PMF1: variants seen among roughly 807,000 people sequenced by gnomAD.
PMF1 encodes polyamine modulated factor 1.
PMF1 carries 21 observed loss-of-function variants against 26.7 expected under a neutral mutation model. The observed-to-expected ratio is 0.79, with a 90% confidence interval of 0.56 to 1.13. The LOEUF (loss-of-function observed/expected upper bound fraction) is 1.13. Ranked by LOEUF, PMF1 falls within the 50% of genes most tolerant of loss-of-function variation. PMF1 has a pLI of 0.00. For missense variants in PMF1, 266 were observed against 254.9 expected, an observed-to-expected ratio of 1.04 and a Z score of -0.30; for synonymous variants, 105 against 101.0, an observed-to-expected ratio of 1.04 and a Z score of -0.24.
intron 3 of PMF1, among the ~76,000 whole-genome samples, chr1:156,235,434 A>ACTTTTT (rs1558197111): frequency 8.6e-6 from 1 of 115,808 alleles, no homozygotes; most frequent in Non-Finnish European, 1.8e-5. Context: ...ATTGAAAAAT[A>ACTTTTT]ATTTTTTTTT....
intron 1 of PMF1, among the ~76,000 whole-genome samples, chr1:156,220,090 GGTA>G (rs775998813): frequency 6.6e-6 from 1 of 150,384 alleles, no homozygotes; most frequent in Admixed American, 6.6e-5. Context: ...CAGCCTCCCG[GGTA>G]GCTGGGACTA....
At chr1:156,222,109 C>G (rs769893588) in intron 1 of PMF1, among the ~76,000 whole-genome samples, 53 of 152,208 alleles carry the variant, frequency 3.5e-4, no homozygotes, top group African/African-American at 1.2e-3. Context: ...CTCCTTAGCA[C>G]AGTGTACAAG....
At chr1:156,218,767 G>A (rs918007023) in intron 1 of PMF1, among the ~76,000 whole-genome samples, 1 of 151,924 alleles carries the variant, frequency 6.6e-6, no homozygotes, top group African/African-American at 2.4e-5. Context: ...GGGTGACAGA[G>A]CGAGACTCCG....
intron 1 of PMF1, among the ~76,000 whole-genome samples, chr1:156,217,245 AG>A (rs1332098827): frequency 1.6e-4 from 11 of 69,458 alleles, no homozygotes; most frequent in African/African-American, 5.1e-4. Flanking sequence ...AAAAAAAAAA[AG>A]AAAAAAAAAA....
In PMF1 at chr1:156,233,065, G is replaced by T. The variant is rs138411661; in HGVS notation, c.268-563G>T. 7.1e-4 allele frequency among the ~76,000 whole-genome samples: 108 copies of T among 151,542 alleles called. No homozygotes were observed. The East Asian group carries it at 0.02, about 28-fold the overall frequency. ...TTCCAGAATCACTGGGACTGTAGAC[G>T]TGCACCCCCACGCCTAGCTAAAAAG... On this transcript the variant is annotated intron_variant, in intron 2 of 4. Transcript: ENST00000368277.
chr1:156,213,139 G>A lies in PMF1; in HGVS notation c.124G>A (p.Val42Met). 1.2e-6 allele frequency: 2 copies of A among 1,614,192 alleles called. No homozygotes were observed. Among genetic ancestry groups the A allele is most frequent in the Non-Finnish European group, 1.7e-6 (2 of 1,179,980 alleles). Residue 42 changes from valine to methionine, a missense_variant, in exon 1 of 5, where the codon GTG becomes ATG. By Grantham distance (21) the Val-to-Met change is conservative (BLOSUM62 1). Coordinates refer to ENST00000368277, the MANE Select transcript of PMF1 (RefSeq NM_007221.4). ...ISRVKLLDTM[V>M]DTFLQKLVAA... ...GAGGGTGAAGCTCCTCGACACCATG[G>A]TGGACACTTTTCTTCAGAAGCTGGT... is the stretch of plus-strand genomic sequence containing the variant.
rs1453803291 is a variant in PMF1 at position 156,232,353 on chromosome 1, C to T, written c.195C>T (p.Phe65=). The change falls in exon 2 of 5, where the codon TTC becomes TTT. Residue 65 remains phenylalanine, a synonymous_variant. Transcript: ENST00000368277. The part of the protein sequence containing the change: ...YQRFTDCYKC[F]YQLQPAMTQQ... ...GATTCACTGACTGCTATAAGTGCTT[C>T]TACCAGTTGCAGCCTGCGATGACAC... is the stretch of plus-strand genomic sequence containing the variant. The T allele has an allele frequency of 1.2e-6, 2 of 1,614,136 alleles. No homozygotes were observed. Among genetic ancestry groups the T allele is most frequent in the Admixed American group, 3.3e-5 (2 of 60,004 alleles).
intron 1 of PMF1, among the ~76,000 whole-genome samples, chr1:156,231,052 T>G (rs1658669465): frequency 6.6e-6 from 1 of 151,432 alleles, no homozygotes; most frequent in Non-Finnish European, 1.5e-5. Flanking sequence ...CCGTCTCTAC[T>G]AAAAATACAG....
intron 1 of PMF1, among the ~76,000 whole-genome samples, chr1:156,226,179 AT>A (rs1300222101): frequency 6.6e-6 from 1 of 151,644 alleles, no homozygotes; most frequent in Non-Finnish European, 1.5e-5. Context: ...TATTTTAAAA[AT>A]TTTTTTGTGA....
rs1200188450 is a variant in PMF1, at chr1:156,213,177, G to A, written c.161+1G>A. On this transcript the variant is annotated splice_donor_variant, in intron 1 of 4. Coordinates refer to ENST00000368277, the MANE Select transcript of PMF1 (RefSeq NM_007221.4). LOFTEE classifies it high-confidence loss of function. Reference sequence around the variant, plus strand: ...TTCAGAAGCTGGTCGCCGCCGGCAGGTAAAGTGGACGCAGCCGCGGTGGGA... The same window carrying A: ...TTCAGAAGCTGGTCGCCGCCGGCAGATAAAGTGGACGCAGCCGCGGTGGGA... 1 of 1,612,468 alleles carries A rather than the reference G, an allele frequency of 6.2e-7. No homozygotes were observed. The highest frequency in any genetic ancestry group is 1.1e-5 in the South Asian group (1 of 91,050).
At chr1:156,238,633 CAT>C (rs2103140430) in intron 4 of PMF1, among the ~76,000 whole-genome samples, 1 of 152,346 alleles carries the variant, frequency 6.6e-6, no homozygotes, top group East Asian at 1.9e-4. Flanking sequence ...GGCAAACACT[CAT>C]ATTCCTGAGG....
chr1:156,213,465 G>T (rs937326800), intron 1 of PMF1, among the ~76,000 whole-genome samples: 10 of 152,164 alleles, frequency 6.6e-5, no homozygotes, highest in South Asian at 2.1e-4. Flanking sequence ...ATTAGAGCAG[G>T]GTTTTTTATT....
intron 1 of PMF1, 145 bp downstream of exon 1, chr1:156,213,321 T>G: frequency 7.9e-7 from 1 of 1,273,396 alleles, no homozygotes; most frequent in Non-Finnish European, 1.1e-6. Context: ...AGTCAAATCC[T>G]GAGCCTTAGG....
At chr1:156,222,221 T>A (rs1474195207) in intron 1 of PMF1, among the ~76,000 whole-genome samples, 1 of 152,214 alleles carries the variant, frequency 6.6e-6, no homozygotes, top group African/African-American at 2.4e-5. Flanking sequence ...CGGAAGCTCT[T>A]CTGCACCAAG....
At chr1:156,236,648 A>C (rs1659034515) in intron 4 of PMF1, 165 bp downstream of exon 4, 1 of 832,360 alleles carries the variant, frequency 1.2e-6, no homozygotes, top group Admixed American at 2.9e-5. Flanking sequence ...CGTGTGCAGT[A>C]GCCTCTGCCA....
chr1:156,239,889 G>A lies in PMF1; in HGVS notation c.*288G>A, dbSNP rs1036448760. 26 of 386,396 alleles carry A rather than the reference G, an allele frequency of 6.7e-5. No individual in the cohort carries two copies. Among genetic ancestry groups the A allele is most frequent in the Non-Finnish European group, 9.8e-5 (21 of 214,628 alleles). The allele number at this position is 386,396 out of a possible 1,614,324, so 23.9% of individuals were successfully genotyped here. On this transcript the variant is annotated 3_prime_UTR_variant, in exon 5 of 5. Transcript: ENST00000368277. ...AGGTTCAGGTCAGCTCTGCCCCTCC[G>A]CCCCCCTCCTGCTGGTTCCCCAGCC...
intron 1 of PMF1, among the ~76,000 whole-genome samples, chr1:156,226,722 G>A (rs1439689677): frequency 1.3e-5 from 2 of 152,228 alleles, no homozygotes; most frequent in African/African-American, 4.8e-5. Flanking sequence ...TGACAGAGGA[G>A]GAAATTGAGG....
rs1558197111 is a variant in PMF1, at chr1:156,235,434, A to ACT, written c.369-854_369-853insCT. The stretch of plus-strand genomic sequence containing the variant: ...CCACCGCGCTCAGCCATTGAAAAAT[A>ACT]ATTTTTTTTTTTTTTTTTTTTTTTT... On this transcript the variant is annotated intron_variant, in intron 3 of 4. Coordinates refer to ENST00000368277, the MANE Select transcript of PMF1 (RefSeq NM_007221.4). Among the ~76,000 whole-genome samples the ACT allele has an allele frequency of 1.5e-4, 17 of 115,808 alleles. 1 individual carries two copies. Among genetic ancestry groups the ACT allele is most frequent in the Admixed American group, 4.2e-4 (4 of 9,604 alleles). The allele number at this position is 115,808 out of a possible 152,430, so 76.0% of individuals were successfully genotyped here.
At chr1:156,228,636 C>T (rs1658522328) in intron 1 of PMF1, among the ~76,000 whole-genome samples, 1 of 152,104 alleles carries the variant, frequency 6.6e-6, no homozygotes, top group Admixed American at 6.6e-5. Context: ...GCTGCCTGAG[C>T]TGAAGAGAGA....
Sources: gnomAD v4.1 joint callset for allele counts (sites outside exome capture counted in the v4.1 genomes callset) on GRCh38, gnomAD v4.1.1 for gene constraint, MANE v1.5 for transcripts, NCBI Gene and HGNC (gene_info 2026-07-23, HGNC 2026-07-21) for gene names.